Variants in ITGA9 observed in about 807,000 individuals in gnomAD.
ITGA9 encodes integrin subunit alpha 9.
ITGA9 carries 56 observed loss-of-function variants against 127.8 expected under a neutral mutation model. That is an observed-to-expected ratio of 0.44 (90% CI 0.35 to 0.55). The LOEUF (loss-of-function observed/expected upper bound fraction) is 0.55, where lower values mean the gene tolerates loss of function less well. ITGA9 is among the 20% of genes least tolerant of loss of function. The probability of loss-of-function intolerance (pLI) is 0.00; values close to 1 mark genes in which losing one functional copy is unlikely to be tolerated. For synonymous variants in ITGA9, 508 were observed against 514.5 expected, an observed-to-expected ratio of 0.99 and a Z score of 0.17; for missense variants, 1,196 against 1,347.1, an observed-to-expected ratio of 0.89 and a Z score of 1.76.
chr3:37,666,152 G>T (rs981816320), intron 17 of ITGA9, among the ~76,000 whole-genome samples: 1 of 152,204 alleles, frequency 6.6e-6, no homozygotes, highest in Non-Finnish European at 1.5e-5. Context: ...TCATGATCAC[G>T]ATGGGAATAT....
chr3:37,550,284 A>G (rs1038747709), intron 15 of ITGA9, among the ~76,000 whole-genome samples: 3 of 152,240 alleles, frequency 2.0e-5, no homozygotes, highest in African/African-American at 7.2e-5. Flanking sequence ...CTTTACATGA[A>G]GAAAGAGAGG....
intron 15 of ITGA9, among the ~76,000 whole-genome samples, chr3:37,617,946 C>T (rs1219702733): frequency 6.6e-6 from 1 of 152,158 alleles, no homozygotes; most frequent in East Asian, 1.9e-4. Flanking sequence ...TCGTCTGAAG[C>T]CTTCTTCTCT....
intron 1 of ITGA9, among the ~76,000 whole-genome samples, chr3:37,467,811 TGGAAAGGCTGA>T (rs1437723530): frequency 3.9e-5 from 6 of 152,112 alleles, no homozygotes; most frequent in African/African-American, 1.4e-4. Flanking sequence ...ACCTGACCTG[TGGAAAGGCTGA>T]GGATGTTTCA....
At chr3:37,530,772 G>A (rs1699143075) in intron 13 of ITGA9, among the ~76,000 whole-genome samples, 2 of 101,186 alleles carry the variant, frequency 2.0e-5, no homozygotes, top group African/African-American at 4.1e-5. Flanking sequence ...TTTTTTTTGA[G>A]ACGGAGTCTC....
In ITGA9 at chr3:37,729,332, C is replaced by T. The variant is rs112072376; in HGVS notation, c.2068-3380C>T. Among the ~76,000 whole-genome samples, 79 of 152,208 alleles carry T rather than the reference C, an allele frequency of 5.2e-4. 1 individual carries two copies. Among genetic ancestry groups the T allele is most frequent in the African/African-American group, 1.7e-3 (72 of 41,536 alleles). On this transcript the variant is annotated intron_variant, in intron 18 of 27. Transcript: ENST00000264741. The stretch of plus-strand genomic sequence containing the variant: ...GACATCCCTTCCTGTAACACCATCC[C>T]GGAGCACATGAGTCATGAACCATAA...
chr3:37,596,482 G>A (rs1025730626), intron 15 of ITGA9, among the ~76,000 whole-genome samples: 8 of 152,172 alleles, frequency 5.3e-5, no homozygotes, highest in African/African-American at 1.9e-4. Context: ...GACCAGACAG[G>A]TCTAGCTCCT....
At chr3:37,724,722 G>A (rs2010446) in intron 18 of ITGA9, among the ~76,000 whole-genome samples, 67,842 of 151,822 alleles carry the variant, frequency 0.45, 15,431 homozygotes, top group South Asian at 0.56. Context: ...GGTCTCAAAC[G>A]CCTGACCTCA....
Position 37,492,202 on chromosome 3 carries a change from G to T in ITGA9, c.545-2299G>T, listed in dbSNP as rs147429111. ...GCTCTCTGATCTAGATTTGATTATAGGAGCCAGTCAGGGGCCCCCATTGTT... is the reference window on the plus strand; with the variant it reads ...GCTCTCTGATCTAGATTTGATTATATGAGCCAGTCAGGGGCCCCCATTGTT... On this transcript the variant is annotated intron_variant, in intron 4 of 27. Coordinates refer to ENST00000264741, the MANE Select transcript of ITGA9 (RefSeq NM_002207.3). 9.8e-5 allele frequency among the ~76,000 whole-genome samples: 15 copies of T among 152,318 alleles called. 1 individual carries two copies. The East Asian group carries it at 2.7e-3, about 27-fold the overall frequency.
At chr3:37,557,210 C>G (rs1425909766) in intron 15 of ITGA9, among the ~76,000 whole-genome samples, 3 of 152,164 alleles carry the variant, frequency 2.0e-5, no homozygotes, top group African/African-American at 7.2e-5. Flanking sequence ...TTGGGGCAAA[C>G]AGAATACGAG....
intron 7 of ITGA9, among the ~76,000 whole-genome samples, chr3:37,506,512 C>T (rs932393417): frequency 1.1e-4 from 17 of 152,266 alleles, no homozygotes; most frequent in African/African-American, 3.9e-4. Flanking sequence ...AAATTATTCT[C>T]GTATTTATTT....
chr3:37,512,024 T>TTTTCTTTTCTTTCTTTCTTTC (rs869188677), intron 8 of ITGA9, among the ~76,000 whole-genome samples: 2 of 32,004 alleles, frequency 6.2e-5, no homozygotes, highest in East Asian at 1.7e-3. Flanking sequence ...TTTTCTTTTC[T>TTTTCTTTTCTTTCTTTCTTTC]TTTCTTTCTT....
intron 16 of ITGA9, among the ~76,000 whole-genome samples, chr3:37,634,522 T>C (rs944031199): frequency 3.3e-5 from 5 of 152,094 alleles, no homozygotes; most frequent in African/African-American, 9.7e-5. Context: ...TATACAATGA[T>C]AAAGGGATCA....
intron 14 of ITGA9, 42 bp downstream of exon 14, chr3:37,533,510 T>C (rs754355402): frequency 2.5e-6 from 4 of 1,600,918 alleles, no homozygotes; most frequent in Non-Finnish European, 8.5e-7. Flanking sequence ...CCCGTTTAGC[T>C]GGAGTGGGCT....
chr3:37,679,754 C>A (rs1227872642), intron 17 of ITGA9, among the ~76,000 whole-genome samples: 1 of 152,142 alleles, frequency 6.6e-6, no homozygotes, highest in Non-Finnish European at 1.5e-5. Context: ...GAAGAAGAAT[C>A]TTTCTGATAT....
intron 11 of ITGA9, among the ~76,000 whole-genome samples, chr3:37,519,958 A>G (rs1699027842): frequency 6.6e-6 from 1 of 152,196 alleles, no homozygotes; most frequent in Non-Finnish European, 1.5e-5. Context: ...ATATTTGTGG[A>G]TGTCTGCCTG....
chr3:37,737,104 G>T (rs887723533), intron 20 of ITGA9, 121 bp downstream of exon 20: 20 of 763,634 alleles, frequency 2.6e-5, no homozygotes, highest in Non-Finnish European at 4.6e-5. Flanking sequence ...TGGTTACTCA[G>T]TGATAAAGCC....
At chr3:37,703,565 A>G (rs1194867438) in intron 18 of ITGA9, among the ~76,000 whole-genome samples, 47 of 152,184 alleles carry the variant, frequency 3.1e-4, no homozygotes, top group Non-Finnish European at 1.2e-4. Context: ...GATTTTATTT[A>G]GTATATTTGT....
intron 18 of ITGA9, among the ~76,000 whole-genome samples, chr3:37,709,099 A>G (rs374382782): frequency 1.6e-4 from 24 of 152,098 alleles, no homozygotes; most frequent in African/African-American, 5.1e-4. Flanking sequence ...AAGTTTTCTT[A>G]TCTGTGAGAC....
At chr3:37,684,111 C>T in intron 18 of ITGA9, 96 bp downstream of exon 18, 1 of 1,049,150 alleles carries the variant, frequency 9.5e-7, no homozygotes, top group East Asian at 2.4e-5. Flanking sequence ...TCTACAAGCA[C>T]TAATCCTTTC....
Sources: gnomAD v4.1 joint callset for allele counts (sites outside exome capture counted in the v4.1 genomes callset) on GRCh38, gnomAD v4.1.1 for gene constraint, MANE v1.5 for transcripts, NCBI Gene and HGNC (gene_info 2026-07-23, HGNC 2026-07-21) for gene names.